The following SPIRE1 variants were observed in gnomAD, a reference collection of about 807,000 sequenced individuals.
The protein encoded by SPIRE1 is spire type actin nucleation factor 1.
In SPIRE1, 40 loss-of-function variants were observed where a neutral mutation model predicts 94.1. The ratio of observed to expected loss-of-function variants is 0.43; its 90% CI spans 0.33 to 0.55. The LOEUF (loss-of-function observed/expected upper bound fraction) is 0.55, where lower values mean the gene tolerates loss of function less well. Ranked by LOEUF, SPIRE1 falls within the 20% of genes least tolerant of loss-of-function variation. The pLI is 0.06. For missense variants in SPIRE1, 838 were observed against 975.2 expected, an observed-to-expected ratio of 0.86 and a Z score of 1.87; for synonymous variants, 376 against 371.7, an observed-to-expected ratio of 1.01 and a Z score of -0.13.
At position 12,551,952 on chromosome 18, in the gene SPIRE1, G is replaced by A. The variant is rs373194360; in HGVS notation, c.373-5048C>T. ...CACCTCCTGGCAGTGGCCATGGGCC[G>A]CAGAGAGAATCTGTGTGCTTGGGAA... On this transcript the variant is annotated intron_variant, in intron 2 of 16. Coordinates refer to ENST00000409402, the MANE Select transcript of SPIRE1 (RefSeq NM_001128626.2). 5.9e-5 allele frequency among the ~76,000 whole-genome samples: 9 copies of A among 152,262 alleles called. No homozygotes were observed. In the East Asian group the frequency reaches 1.2e-3, roughly 20 times the overall value.
chr18:12,500,204 C>A (rs1368287133), intron 6 of SPIRE1, among the ~76,000 whole-genome samples: 1 of 152,146 alleles, frequency 6.6e-6, no homozygotes, highest in Admixed American at 6.6e-5. Context: ...GTGATAGGTA[C>A]GCTAGAAACC....
At chr18:12,596,016 A>G (rs1252394168) in intron 2 of SPIRE1, among the ~76,000 whole-genome samples, 1 of 152,240 alleles carries the variant, frequency 6.6e-6, no homozygotes, top group Non-Finnish European at 1.5e-5. Flanking sequence ...AACCTGCTCT[A>G]CAAGGAGCCT....
In SPIRE1 at chr18:12,534,500, T is replaced by A. The variant is rs149451948; in HGVS notation, c.729+976A>T. 1.1e-3 allele frequency among the ~76,000 whole-genome samples: 168 copies of A among 152,324 alleles called. 1 individual carries two copies. Among genetic ancestry groups the A allele is most frequent in the East Asian group, 6.6e-3 (34 of 5,190 alleles). On this transcript the variant is annotated intron_variant, in intron 4 of 16. Coordinates refer to ENST00000409402, the MANE Select transcript of SPIRE1 (RefSeq NM_001128626.2). ...TGTGTTACCAGAGGATACTAGTGTG[T>A]GAGTCTGAGTGGACTAAGTGGTGCC... is the stretch of plus-strand genomic sequence containing the variant.
chr18:12,560,708 C>T (rs1415431153), intron 2 of SPIRE1, among the ~76,000 whole-genome samples: 4 of 152,084 alleles, frequency 2.6e-5, no homozygotes, highest in African/African-American at 2.4e-5. Context: ...AAAAATTAGC[C>T]AGGCATGGTA....
intron 4 of SPIRE1, among the ~76,000 whole-genome samples, chr18:12,531,102 G>T (rs532310207): frequency 8.5e-5 from 13 of 152,114 alleles, no homozygotes; most frequent in Non-Finnish European, 1.6e-4. Flanking sequence ...GTCTTGCCTT[G>T]TTGGCCAGGC....
intron 10 of SPIRE1, among the ~76,000 whole-genome samples, chr18:12,466,278 G>GATAT (rs572118994): frequency 2.0e-5 from 3 of 151,570 alleles, no homozygotes; most frequent in African/African-American, 4.9e-5. Context: ...AGTATCTATA[G>GATAT]ATATATATAT....
At chr18:12,540,069 G>A (rs2061675901) in intron 3 of SPIRE1, among the ~76,000 whole-genome samples, 1 of 152,038 alleles carries the variant, frequency 6.6e-6, no homozygotes, top group Admixed American at 6.6e-5. Context: ...ATGAAGATTG[G>A]AGTGAGCCAT....
chr18:12,640,990 A>G (rs1167788603), intron 1 of SPIRE1, among the ~76,000 whole-genome samples: 1 of 152,202 alleles, frequency 6.6e-6, no homozygotes, highest in Non-Finnish European at 1.5e-5. Flanking sequence ...GCTCAAGGCC[A>G]GCGAGGAGGC....
chr18:12,619,129 CAGG>C (rs1267532346), intron 2 of SPIRE1, among the ~76,000 whole-genome samples: 1 of 152,106 alleles, frequency 6.6e-6, no homozygotes, highest in Non-Finnish European at 1.5e-5. Context: ...CTCCCAACCT[CAGG>C]TGATCCGCCC....
At chr18:12,621,693 C>T (rs1440013153) in intron 2 of SPIRE1, among the ~76,000 whole-genome samples, 1 of 152,110 alleles carries the variant, frequency 6.6e-6, no homozygotes, top group African/African-American at 2.4e-5. Flanking sequence ...TTAGTGATTG[C>T]TGGGGCTAGG....
chr18:12,467,143 T>C (rs1200496820), intron 10 of SPIRE1, among the ~76,000 whole-genome samples: 2 of 152,178 alleles, frequency 1.3e-5, no homozygotes, highest in Non-Finnish European at 2.9e-5. Context: ...AGCTGGATGG[T>C]GGCAGGCGCC....
At chr18:12,560,802 A>G (rs897618423) in intron 2 of SPIRE1, among the ~76,000 whole-genome samples, 3 of 152,202 alleles carry the variant, frequency 2.0e-5, no homozygotes, top group Non-Finnish European at 4.4e-5. Flanking sequence ...GCAGTGAGCC[A>G]AGATCGCCCC....
chr18:12,512,572 T>C, intron 4 of SPIRE1, 41 bp from the exon 5 acceptor site: 1 of 1,280,752 alleles, frequency 7.8e-7, no homozygotes, highest in Non-Finnish European at 1.1e-6. Context: ...TTTCATTAAG[T>C]TATCTTCTCA....
intron 6 of SPIRE1, among the ~76,000 whole-genome samples, chr18:12,501,305 T>C (rs1460065593): frequency 1.3e-5 from 2 of 152,086 alleles, no homozygotes; most frequent in East Asian, 1.9e-4. Context: ...TGATGCTTCA[T>C]GGATACAGGG....
At chr18:12,630,465 C>G (rs1268885008) in intron 2 of SPIRE1, among the ~76,000 whole-genome samples, 1 of 152,180 alleles carries the variant, frequency 6.6e-6, no homozygotes, top group Non-Finnish European at 1.5e-5. Context: ...TCGAGACCAG[C>G]CTCGCCAACA....
intron 3 of SPIRE1, among the ~76,000 whole-genome samples, chr18:12,537,163 A>G (rs2034866697): frequency 6.6e-6 from 1 of 152,236 alleles, no homozygotes; most frequent in Non-Finnish European, 1.5e-5. Context: ...AGAAGCATTA[A>G]AAGCAGAAAT....
At chr18:12,488,160 ATCGTTTGCCATATCCTTTCT>A (rs558762999) in intron 8 of SPIRE1, among the ~76,000 whole-genome samples, 1 of 152,378 alleles carries the variant, frequency 6.6e-6, no homozygotes, top group Admixed American at 6.5e-5. Flanking sequence ...CTCACTGAAT[ATCGTTTGCCATATCCTTTCT>A]TCTGTTCTTT....
intron 2 of SPIRE1, among the ~76,000 whole-genome samples, chr18:12,573,515 A>G (rs960409829): frequency 6.6e-6 from 1 of 152,218 alleles, no homozygotes; most frequent in Non-Finnish European, 1.5e-5. Context: ...AAACCTGCAC[A>G]TGAATGTTTA....
chr18:12,500,130 G>A (rs2033604708), intron 6 of SPIRE1, among the ~76,000 whole-genome samples: 1 of 152,146 alleles, frequency 6.6e-6, no homozygotes, highest in Non-Finnish European at 1.5e-5. Flanking sequence ...CTCCAAAAGT[G>A]GGGAGGTTGG....
Sources: gnomAD v4.1 joint callset for allele counts (sites outside exome capture counted in the v4.1 genomes callset) on GRCh38, gnomAD v4.1.1 for gene constraint, MANE v1.5 for transcripts, NCBI Gene and HGNC (gene_info 2026-07-23, HGNC 2026-07-21) for gene names.